Variants in CACNA2D3 observed in about 807,000 individuals in gnomAD.
CACNA2D3 encodes the protein calcium voltage-gated channel auxiliary subunit alpha2delta 3.
Under a neutral mutation model 160.6 loss-of-function variants are expected in CACNA2D3, and 60 were observed. That is an observed-to-expected ratio of 0.37 (90% confidence interval 0.30 to 0.46). CACNA2D3 has a LOEUF of 0.46. Ranked by LOEUF, CACNA2D3 falls within the 20% of genes least tolerant of loss-of-function variation. The pLI, the probability that CACNA2D3 is intolerant of heterozygous loss-of-function variation, is 1.00. For synonymous variants in CACNA2D3, 558 were observed against 492.9 expected (o/e 1.13, Z -1.75); for missense variants, 1,205 against 1,365.0 (o/e 0.88, Z 1.85).
intron 13 of CACNA2D3, among the ~76,000 whole-genome samples, chr3:54,775,881 GCCA>G (rs1396213245): frequency 6.6e-6 from 1 of 152,116 alleles, no homozygotes; most frequent in Non-Finnish European, 1.5e-5. Context: ...GGAGCAAGAA[GCCA>G]CCAAGAGCAA....
intron 2 of CACNA2D3, among the ~76,000 whole-genome samples, chr3:54,304,958 G>A (rs1164023462): frequency 6.6e-6 from 1 of 151,528 alleles, no homozygotes; most frequent in Non-Finnish European, 1.5e-5. Flanking sequence ...CAACACACTT[G>A]TATAATTTGC....
chr3:54,818,858 C>T (rs1462123704), intron 14 of CACNA2D3, among the ~76,000 whole-genome samples: 1 of 152,182 alleles, frequency 6.6e-6, no homozygotes, highest in East Asian at 1.9e-4. Flanking sequence ...ATCTATGCGA[C>T]ATGGTTTCAG....
intron 5 of CACNA2D3, among the ~76,000 whole-genome samples, chr3:54,515,381 A>G (rs1172174964): frequency 2.3e-5 from 2 of 86,408 alleles, no homozygotes; most frequent in African/African-American, 4.5e-5. Context: ...TGAAAGAACT[A>G]AAGAAGTTGA....
intron 5 of CACNA2D3, among the ~76,000 whole-genome samples, chr3:54,505,123 T>A (rs1307882926): frequency 6.6e-6 from 1 of 152,164 alleles, no homozygotes; most frequent in Non-Finnish European, 1.5e-5. Flanking sequence ...TTTTTCCTGG[T>A]TTACCTGTTA....
At position 54,689,015 on chromosome 3, in the gene CACNA2D3, T is replaced by G. The variant is rs1278198596; in HGVS notation, c.1167+46774T>G. On this transcript the variant is annotated intron_variant, in intron 11 of 37. Transcript: ENST00000474759. ...AAAAAAAAAAAAAAAAAAAAAAGAATGAGGTTGTATACATAAAGCACATGA... is the reference window on the plus strand; with the variant it reads ...AAAAAAAAAAAAAAAAAAAAAAGAAGGAGGTTGTATACATAAAGCACATGA... Among the ~76,000 whole-genome samples the G allele has an allele frequency of 2.4e-4, 14 of 57,220 alleles. 1 individual carries two copies. The highest frequency in any genetic ancestry group is 7.5e-4 in the East Asian group (1 of 1,328). 37.5% of individuals were successfully genotyped at this position (57,220 alleles called of 152,430 possible). A position where few individuals can be genotyped will look rare whatever the true frequency, so the allele number is the denominator to read the frequency against.
At chr3:54,829,557 A>G (rs1183852877) in intron 14 of CACNA2D3, among the ~76,000 whole-genome samples, 2 of 152,130 alleles carry the variant, frequency 1.3e-5, no homozygotes, top group East Asian at 3.9e-4. Flanking sequence ...TGGTGCCCTC[A>G]CAAACTAATT....
rs535235507 is a variant in CACNA2D3 at position 54,602,014 on chromosome 3, C to T, written c.963+20137C>T. On this transcript the variant is annotated intron_variant, in intron 9 of 37. Coordinates refer to ENST00000474759, the MANE Select transcript of CACNA2D3 (RefSeq NM_018398.3). ...AAATAAAACCAGGCACTGATAAACA[C>T]TGGTAGGCATTTATGTAGAGAAAAA... Among the ~76,000 whole-genome samples, 10 of 152,166 alleles carry T rather than the reference C, an allele frequency of 6.6e-5. No homozygotes were observed. The South Asian group carries it at 1.7e-3, about 25-fold the overall frequency.
At chr3:54,917,153 A>G (rs939280206) in intron 27 of CACNA2D3, among the ~76,000 whole-genome samples, 1 of 152,220 alleles carries the variant, frequency 6.6e-6, no homozygotes, top group African/African-American at 2.4e-5. Context: ...GAAAATGCAA[A>G]ATTTACAAAA....
At chr3:54,865,425 C>T (rs2106808941) in intron 17 of CACNA2D3, among the ~76,000 whole-genome samples, 1 of 152,344 alleles carries the variant, frequency 6.6e-6, no homozygotes, top group East Asian at 1.9e-4. Context: ...CCCCACCTTC[C>T]CGCTACTGAT....
chr3:54,959,411 C>T (rs1701979203), intron 27 of CACNA2D3, among the ~76,000 whole-genome samples: 1 of 152,188 alleles, frequency 6.6e-6, no homozygotes, highest in East Asian at 1.9e-4. Context: ...TTGCAGGCAT[C>T]CCTCCAGCTC....
chr3:54,127,838 A>G (rs1245534017), intron 2 of CACNA2D3, among the ~76,000 whole-genome samples: 1 of 152,310 alleles, frequency 6.6e-6, no homozygotes, highest in East Asian at 1.9e-4. Context: ...CCTCTTATGC[A>G]TATAGCTCAT....
intron 9 of CACNA2D3, among the ~76,000 whole-genome samples, chr3:54,622,110 A>G (rs1427349882): frequency 2.6e-5 from 4 of 152,162 alleles, no homozygotes; most frequent in African/African-American, 9.7e-5. Context: ...GTTCTGAGGC[A>G]CTGATGCTCT....
At chr3:54,637,125 G>C (rs1178066544) in intron 10 of CACNA2D3, among the ~76,000 whole-genome samples, 1 of 151,970 alleles carries the variant, frequency 6.6e-6, no homozygotes, top group Non-Finnish European at 1.5e-5. Context: ...TTTAGGACAG[G>C]TAAAATGGGG....
At chr3:54,258,059 C>T (rs1418786829) in intron 2 of CACNA2D3, among the ~76,000 whole-genome samples, 1 of 152,166 alleles carries the variant, frequency 6.6e-6, no homozygotes, top group Non-Finnish European at 1.5e-5. Context: ...GATAAAAGGG[C>T]TGTAGAAACA....
intron 27 of CACNA2D3, among the ~76,000 whole-genome samples, chr3:54,934,742 G>C (rs1193120265): frequency 6.6e-6 from 1 of 152,040 alleles, no homozygotes; most frequent in East Asian, 1.9e-4. Flanking sequence ...TTTGTGTTTT[G>C]TTTTTGTTGA....
chr3:54,635,281 A>G (rs887691956), intron 10 of CACNA2D3, among the ~76,000 whole-genome samples: 1 of 152,000 alleles, frequency 6.6e-6, no homozygotes, highest in East Asian at 1.9e-4. Flanking sequence ...ATCTGATTAG[A>G]GAGTGCCTAA....
intron 31 of CACNA2D3, among the ~76,000 whole-genome samples, chr3:55,001,030 C>T (rs1363536430): frequency 6.6e-6 from 1 of 152,040 alleles, no homozygotes; most frequent in African/African-American, 2.4e-5. Context: ...CTTGGTTTTC[C>T]CCTCTGTAAA....
intron 3 of CACNA2D3, among the ~76,000 whole-genome samples, chr3:54,366,931 A>AG (rs754038891): frequency 6.6e-6 from 1 of 152,228 alleles, no homozygotes; most frequent in Non-Finnish European, 1.5e-5. Context: ...TTGAATGGGA[A>AG]GGGTGTTCCA....
intron 11 of CACNA2D3, among the ~76,000 whole-genome samples, chr3:54,687,157 T>TTTTTTTTTTTTTTTTA (rs1700478940): frequency 7.0e-6 from 1 of 143,316 alleles, no homozygotes; most frequent in Non-Finnish European, 1.5e-5. Context: ...TTTTGTTTTT[T>TTTTTTTTTTTTTTTTA]TGACACTGGG....
Sources: allele counts gnomAD v4.1 joint callset (sites outside exome capture counted in the v4.1 genomes callset), GRCh38; gene constraint gnomAD v4.1.1; transcripts MANE v1.5; gene names NCBI Gene and HGNC (gene_info 2026-07-23, HGNC 2026-07-21).